The following XDH variants were observed in gnomAD, a reference collection of about 807,000 sequenced individuals.
XDH encodes the protein xanthine dehydrogenase/oxidase.
In XDH, 138 loss-of-function variants were observed where a neutral mutation model predicts 156.1. The ratio of observed to expected loss-of-function variants is 0.88; its 90% confidence interval spans 0.77 to 1.02. The LOEUF is 1.02. Ranked by LOEUF, XDH falls within the 50% of genes least tolerant of loss-of-function variation. The pLI is 0.00. For synonymous variants in XDH, 669 were observed against 625.7 expected (o/e 1.07, Z -1.03); for missense variants, 1,849 against 1,684.9 (o/e 1.10, Z -1.71).
At chr2:31,348,506 A>G in intron 27 of XDH, 143 bp from the exon 28 acceptor site, 1 of 751,154 alleles carries the variant, frequency 1.3e-6, no homozygotes, top group Non-Finnish European at 2.3e-6. Context: ...GGCAGTATGA[A>G]TCTCATGATT....
At chr2:31,362,983 C>A (rs935728410) in intron 24 of XDH, among the ~76,000 whole-genome samples, 1 of 152,152 alleles carries the variant, frequency 6.6e-6, no homozygotes, top group African/African-American at 2.4e-5. Flanking sequence ...GAATATTATT[C>A]ATCAATGAAC....
Position 31,388,297 on chromosome 2 carries a change from T to C in XDH, c.496-2A>G, listed in dbSNP as rs763754488. 7.4e-6 allele frequency: 12 copies of C among 1,614,092 alleles called. No individual in the cohort carries two copies. The highest frequency in any genetic ancestry group is 1.7e-5 in the Admixed American group (1 of 60,024). On this transcript the variant is annotated splice_acceptor_variant, in intron 6 of 35. Transcript: ENST00000379416. LOFTEE classifies it high-confidence loss of function. ...ATCTCCTCCACAGCATCCACCATCCTAGAGAGATGATGAACATCTGCACAA... is the reference window on the plus strand; with the variant it reads ...ATCTCCTCCACAGCATCCACCATCCCAGAGAGATGATGAACATCTGCACAA...
At chr2:31,385,943 A>G (rs893208035) in intron 9 of XDH, among the ~76,000 whole-genome samples, 1 of 152,196 alleles carries the variant, frequency 6.6e-6, no homozygotes, top group Non-Finnish European at 1.5e-5. Flanking sequence ...TGCTTAAATT[A>G]GTTCCTCCTC....
chr2:31,339,240 C>T (rs1685055266), intron 34 of XDH, among the ~76,000 whole-genome samples: 1 of 152,138 alleles, frequency 6.6e-6, no homozygotes, highest in Non-Finnish European at 1.5e-5. Context: ...AGGAATCCCT[C>T]TAAATTCACC....
intron 31 of XDH, among the ~76,000 whole-genome samples, chr2:31,342,553 A>G (rs1016327373): frequency 6.6e-6 from 1 of 152,208 alleles, no homozygotes; most frequent in African/African-American, 2.4e-5. Flanking sequence ...AGCAGTGTTT[A>G]GTACCATGCT....
At chr2:31,368,136 C>G in intron 19 of XDH, 79 bp from the exon 20 acceptor site, 5 of 1,301,514 alleles carry the variant, frequency 3.8e-6, no homozygotes. Context: ...GAAAGAGAAG[C>G]TCTCTGAATT....
At chr2:31,398,728 G>A in intron 4 of XDH, 29 bp from the exon 5 acceptor site, 4 of 1,612,632 alleles carry the variant, frequency 2.5e-6, no homozygotes, top group East Asian at 2.2e-5. Flanking sequence ...ATAGACACCT[G>A]GGATGGCAGA....
Position 31,383,134 on chromosome 2 carries a change from G to T in XDH, c.905C>A (p.Ala302Asp), listed in dbSNP as rs750042157. 6.2e-7 allele frequency: 1 copy of T among 1,614,160 alleles called. No homozygotes were observed. Among genetic ancestry groups the T allele is most frequent in the Non-Finnish European group, 8.5e-7 (1 of 1,180,034 alleles). ...TTTTTCCACAATGCTCAGGGGGCAAGCAGCTCCAAAGGAGATACCTGGGAA... is the reference window on the plus strand; with the variant it reads ...TTTTTCCACAATGCTCAGGGGGCAATCAGCTCCAAAGGAGATACCTGGGAA... ...HGPDGISFGAACPLSIVEKTL... is the reference protein window; with the variant it reads ...HGPDGISFGADCPLSIVEKTL... The change falls in exon 11 of 36, where the codon GCT (alanine) becomes GAT (aspartate). Residue 302 changes from alanine (A) to aspartate (D), a missense_variant. Coordinates refer to ENST00000379416, the MANE Select transcript of XDH (RefSeq NM_000379.4).
At chr2:31,360,359 G>A (rs555506534) in intron 24 of XDH, among the ~76,000 whole-genome samples, 26 of 152,222 alleles carry the variant, frequency 1.7e-4, no homozygotes, top group Admixed American at 5.2e-4. Flanking sequence ...TTAGCTGGGC[G>A]TGGTGGGGCA....
intron 4 of XDH, among the ~76,000 whole-genome samples, chr2:31,400,940 C>A (rs1232632819): frequency 6.6e-6 from 1 of 152,226 alleles, no homozygotes; most frequent in East Asian, 1.9e-4. Flanking sequence ...AAGTTCTGGA[C>A]TGGTCTAGCC....
At position 31,398,710 on chromosome 2, in the gene XDH, C is replaced by A; in HGVS notation, c.307-11G>T. On this transcript the variant is annotated splice_polypyrimidine_tract_variant and intron_variant, in intron 4 of 35. Coordinates refer to ENST00000379416, the MANE Select transcript of XDH (RefSeq NM_000379.4). ...TTTGGCAATTCTCTCCTAAAAGATA[C>A]AGATGACATAGACACCTGGGATGGC... 6.2e-7 allele frequency: 1 copy of A among 1,613,256 alleles called. No homozygotes were observed. Among genetic ancestry groups the A allele is most frequent in the East Asian group, 2.2e-5 (1 of 44,848 alleles).
At position 31,335,991 on chromosome 2, in the gene XDH, T is replaced by C; in HGVS notation, c.3969A>G (p.Pro1323=). 1 of 1,614,224 alleles carries C rather than the reference T, an allele frequency of 6.2e-7. No individual in the cohort carries two copies. Among genetic ancestry groups the C allele is most frequent in the Non-Finnish European group, 8.5e-7 (1 of 1,180,040 alleles). The change falls in exon 36 of 36, where the codon CCA becomes CCG. Residue 1323 remains proline (P), a synonymous_variant. Transcript: ENST00000379416. ...KFTTLCVTGV[P]ENCKPWSVRV ...TCACAGACCAGGGTTTGCAGTTTTC[T>C]GGGACACCAGTGACACACTAGGAAG...
At position 31,367,004 on chromosome 2, in the gene XDH, C is replaced by A. The variant is rs568953798; in HGVS notation, c.2198-10G>T. ...CCGATGTATATCTCCCCTGGGGAAG[C>A]AGTGAGATCCCTCACAGTGAGCCCA... is the stretch of plus-strand genomic sequence containing the variant. On this transcript the variant is annotated splice_polypyrimidine_tract_variant and intron_variant, in intron 20 of 35. Transcript: ENST00000379416. 4 of 1,614,134 alleles carry A rather than the reference C, an allele frequency of 2.5e-6. No individual in the cohort carries two copies. The East Asian group carries it at 8.9e-5, about 36-fold the overall frequency.
intron 31 of XDH, among the ~76,000 whole-genome samples, chr2:31,344,139 A>G (rs1412212712): frequency 6.6e-6 from 1 of 152,214 alleles, no homozygotes; most frequent in Non-Finnish European, 1.5e-5. Flanking sequence ...TTAAAGTTGC[A>G]GAAGTCATAC....
intron 4 of XDH, among the ~76,000 whole-genome samples, chr2:31,400,147 C>T (rs373874476): frequency 8.5e-4 from 130 of 152,166 alleles, no homozygotes; most frequent in African/African-American, 3.0e-3. Flanking sequence ...CCAGCCTCTC[C>T]GCAGGAGGCT....
chr2:31,369,862 C>G (rs1304447065), intron 18 of XDH, among the ~76,000 whole-genome samples: 1 of 152,212 alleles, frequency 6.6e-6, no homozygotes, highest in African/African-American at 2.4e-5. Flanking sequence ...CTGTCGAGAA[C>G]TATCCTATGA....
At chr2:31,356,896 G>A (rs769862847) in intron 24 of XDH, among the ~76,000 whole-genome samples, 2 of 152,060 alleles carry the variant, frequency 1.3e-5, no homozygotes, top group African/African-American at 4.8e-5. Context: ...AACTAAAACG[G>A]AATGAAACTA....
intron 24 of XDH, among the ~76,000 whole-genome samples, chr2:31,361,088 A>T (rs1455491170): frequency 2.0e-5 from 3 of 152,252 alleles, no homozygotes; most frequent in Non-Finnish European, 4.4e-5. Context: ...TGAAGTAGTA[A>T]CAAGTAAAGA....
chr2:31,385,115 G>A (rs1301060179), intron 9 of XDH, among the ~76,000 whole-genome samples: 3 of 152,146 alleles, frequency 2.0e-5, no homozygotes, highest in Admixed American at 6.5e-5. Flanking sequence ...GGGACCACAT[G>A]AGCCCATGAG....
Sources: allele counts gnomAD v4.1 joint callset (sites outside exome capture counted in the v4.1 genomes callset), GRCh38; gene constraint gnomAD v4.1.1; transcripts MANE v1.5; gene names NCBI Gene and HGNC (gene_info 2026-07-23, HGNC 2026-07-21).